ACACB: variants seen among roughly 807,000 people sequenced by gnomAD.
ACACB encodes acetyl-CoA carboxylase beta, also known as acetyl-CoA carboxylase 2.
A neutral mutation model predicts 278.8 loss-of-function variants in ACACB; 209 were observed. The observed-to-expected ratio is 0.75, with a 90% CI of 0.67 to 0.84. ACACB has a LOEUF of 0.84. Among genes scored for constraint, ACACB ranks in the 40% least tolerant of loss-of-function variants. ACACB has a pLI of 0.00. For missense variants in ACACB, 2,850 were observed against 3,269.0 expected (o/e 0.87, Z 3.13); for synonymous variants, 1,174 against 1,285.6 (o/e 0.91, Z 1.86).
At position 109,253,078 on chromosome 12, in the gene ACACB, A is replaced by G. The variant is rs2047138153; in HGVS notation, c.5965A>G (p.Asn1989Asp). The G allele has an allele frequency of 6.2e-7, 1 of 1,613,340 alleles. No individual in the cohort carries two copies. Among genetic ancestry groups the G allele is most frequent in the Admixed American group, 1.7e-5 (1 of 59,932 alleles). The change falls in exon 43 of 53, where the codon AAT (asparagine) becomes GAT (aspartate). Residue 1989 changes from asparagine to aspartate, a missense_variant. Physicochemically the swap from Asn to Asp is conservative, Grantham distance 23. Transcript: ENST00000338432. ...QLGGVQIMHY[N>D]GVSHITVPDD... ...GGGTGGCGTTCAGATCATGCATTAC[A>G]ATGGTGTCTCCCACATCACCGTGCC...
At chr12:109,201,846 A>G in intron 19 of ACACB, 145 bp downstream of exon 19, 1 of 1,152,846 alleles carries the variant, frequency 8.7e-7, no homozygotes, top group Non-Finnish European at 1.2e-6. Flanking sequence ...AGCCACCGTG[A>G]TGGTGCAGAA....
At chr12:109,111,619 G>C (rs1393651495), upstream of ACACB, 2 of 150,340 alleles carry the variant, frequency 1.3e-5, no homozygotes, top group Admixed American at 1.3e-4. Context: ...ACAGTGGCGC[G>C]ATCTCGGCTC....
In ACACB at chr12:109,222,523, C is replaced by T. The variant is rs776001518; in HGVS notation, c.3581C>T (p.Pro1194Leu). ...VIMLIDELCG[P>L]DPSLSDELIS... The stretch of plus-strand genomic sequence containing the variant: ...TCCCCTAAGGATGAGCTGTGTGGCC[C>T]AGACCCTTCCCTGTCGGACGAGCTG... Residue 1194 changes from proline (P) to leucine (L), a missense_variant, in exon 25 of 53, where the codon CCA (proline) becomes CTA (leucine). Physicochemically the swap from Pro to Leu is moderately conservative, Grantham distance 98. This residue lies in a region of ACACB where 2,265 missense variants were observed against 2,561.3 expected (regional missense o/e 0.88). Coordinates refer to ENST00000338432, the MANE Select transcript of ACACB (RefSeq NM_001093.4). The T allele has an allele frequency of 6.2e-7, 1 of 1,614,190 alleles. No individual in the cohort carries two copies. Among genetic ancestry groups the T allele is most frequent in the South Asian group, 1.1e-5 (1 of 91,084 alleles).
intron 11 of ACACB, among the ~76,000 whole-genome samples, 159 bp downstream of exon 11, chr12:109,180,246 C>T (rs1050042733): frequency 7.2e-5 from 11 of 152,152 alleles, no homozygotes; most frequent in African/African-American, 2.7e-4. Context: ...TATAGTTCTC[C>T]CTGGGAAAAT....
chr12:109,230,803 G>A (rs2046446687), intron 28 of ACACB, among the ~76,000 whole-genome samples: 1 of 152,242 alleles, frequency 6.6e-6, no homozygotes, highest in African/African-American at 2.4e-5. Flanking sequence ...GAGGGCTGTG[G>A]GTCATGCCTT....
At position 109,191,860 on chromosome 12, in the gene ACACB, A is replaced by G. The variant is rs1021514420; in HGVS notation, c.2309A>G (p.Asp770Gly). ...IAEKVQAEKP[D>G]IMLGVVCGAL... ...ATTTTCTCCTAGGCGGAGAAACCGG[A>G]TATCATGCTTGGGGTGGTATGCGGG... The change falls in exon 15 of 53, where the codon GAT becomes GGT. Residue 770 changes from aspartate (D) to glycine (G), a missense_variant. Physicochemically the swap from Asp to Gly is moderately conservative, Grantham distance 94. This residue lies in a region of ACACB where 2,265 missense variants were observed against 2,561.3 expected (regional missense o/e 0.88). Coordinates refer to ENST00000338432, the MANE Select transcript of ACACB (RefSeq NM_001093.4). 3.1e-6 allele frequency: 5 copies of G among 1,613,996 alleles called. No homozygotes were observed. The African/African-American group carries it at 4.0e-5, about 13-fold the overall frequency.
At chr12:109,133,859 ATATATTTTTTTTT>A (rs1267808527) in intron 1 of ACACB, among the ~76,000 whole-genome samples, 34 of 48,248 alleles carry the variant, frequency 7.0e-4, no homozygotes, top group African/African-American at 3.2e-3. Flanking sequence ...ATATATATAT[ATATATTTTTTTTT>A]TTTTTTTTTT....
intron 28 of ACACB, among the ~76,000 whole-genome samples, chr12:109,228,383 G>A (rs971012849): frequency 1.3e-5 from 2 of 151,292 alleles, no homozygotes; most frequent in African/African-American, 4.9e-5. Context: ...GCCAGCCATG[G>A]TGGCCCACAC....
At chr12:109,147,287 G>C (rs1388244818) in intron 2 of ACACB, among the ~76,000 whole-genome samples, 1 of 151,476 alleles carries the variant, frequency 6.6e-6, no homozygotes, top group East Asian at 1.9e-4. Flanking sequence ...CTGGAGTGCT[G>C]TGGTGTGATC....
intron 48 of ACACB, 137 bp downstream of exon 48, chr12:109,260,794 G>T: frequency 1.1e-6 from 1 of 932,812 alleles, no homozygotes; most frequent in Non-Finnish European, 1.5e-6. Flanking sequence ...CTTCTTTCAT[G>T]GTTTCCACTT....
Position 109,191,702 on chromosome 12 carries a change from G to A in ACACB, c.2234G>A (p.Ser745Asn), listed in dbSNP as rs1331067133. The A allele has an allele frequency of 6.2e-7, 1 of 1,614,208 alleles. No individual in the cohort carries two copies. Among genetic ancestry groups the A allele is most frequent in the Admixed American group, 1.7e-5 (1 of 60,028 alleles). Residue 745 changes from serine (S) to asparagine (N), a missense_variant, in exon 14 of 53, where the codon AGC (serine) becomes AAC (asparagine). Physicochemically the swap from Ser to Asn is conservative, Grantham distance 46. Transcript: ENST00000338432. ...EYLINLLETE[S>N]FQNNDIDTGW... Reference sequence around the variant, plus strand: ...CTCATTAACCTCCTGGAGACCGAGAGCTTCCAGAACAACGACATCGACACC... The same window carrying A: ...CTCATTAACCTCCTGGAGACCGAGAACTTCCAGAACAACGACATCGACACC...
At position 109,160,411 on chromosome 12, in the gene ACACB, G is replaced by T. The variant is rs555366606; in HGVS notation, c.654-6450G>T. On this transcript the variant is annotated intron_variant, in intron 2 of 52. Transcript: ENST00000338432. ...ATACAGGGCTGTGGAGATTCACTGA[G>T]AGGCCCCCTGTGCCCAGTCCATAGT... is the stretch of plus-strand genomic sequence containing the variant. Among the ~76,000 whole-genome samples, 193 of 152,280 alleles carry T rather than the reference G, an allele frequency of 1.3e-3. 1 individual carries two copies. The highest frequency in any genetic ancestry group is 4.3e-3 in the African/African-American group (178 of 41,566).
rs780991373 is a variant in ACACB at position 109,242,502 on chromosome 12, C to T, written c.5088C>T (p.Tyr1696=). 5 of 1,614,018 alleles carry T rather than the reference C, an allele frequency of 3.1e-6. No homozygotes were observed. The African/African-American group carries it at 4.0e-5, about 13-fold the overall frequency. The stretch of plus-strand genomic sequence containing the variant: ...ACGGGATGCTGATCAATACTCCCTA[C>T]GTCACCAAGGATCTGCTCCAGGCCA... ...PQHGMLINTP[Y]VTKDLLQAKR... The change falls in exon 37 of 53, where the codon TAC becomes TAT. Residue 1696 remains tyrosine (Y), a synonymous_variant. Transcript: ENST00000338432.
chr12:109,203,886 T>C (rs2045412750), intron 19 of ACACB, among the ~76,000 whole-genome samples: 1 of 152,158 alleles, frequency 6.6e-6, no homozygotes, highest in Non-Finnish European at 1.5e-5. Flanking sequence ...ATAACAAGTC[T>C]TGATGAATGA....
Position 109,140,054 on chromosome 12 carries a change from A to G in ACACB, c.649A>G (p.Met217Val), listed in dbSNP as rs770169502. Residue 217 changes from methionine to valine, a missense_variant, in exon 2 of 53, where the codon ATG (methionine) becomes GTG (valine). Met to Val is a conservative substitution (Grantham distance 21). Around this residue, in one of 3 missense-constraint regions of ACACB, gnomAD observed 2,265 missense variants for 2,561.3 expected, o/e 0.88. Transcript: ENST00000338432. ...TGEAETRVPTMRPSMSGLHLV... is the reference protein window; with the variant it reads ...TGEAETRVPTVRPSMSGLHLV... ...TGAAGCTGAGACCCGCGTCCCCACT[A>G]TGAGGTAATGTGCATTTTCTCCTTG... 15 of 1,585,028 alleles carry G rather than the reference A, an allele frequency of 9.5e-6. No individual in the cohort carries two copies. Among genetic ancestry groups the G allele is most frequent in the Non-Finnish European group, 1.3e-5 (15 of 1,171,154 alleles).
At position 109,237,348 on chromosome 12, in the gene ACACB, G is replaced by T. The variant is rs374544605; in HGVS notation, c.4630G>T (p.Ala1544Ser). The change falls in exon 34 of 53, where the codon GCC becomes TCC. Residue 1544 changes from alanine to serine, a missense_variant. Physicochemically the swap from Ala to Ser is moderately conservative, Grantham distance 99. Transcript: ENST00000338432. ...EVTDHRFFIRAIIRHSDLITK... is the reference protein window; with the variant it reads ...EVTDHRFFIRSIIRHSDLITK... ...GACGGACCATAGGTTCTTCATCCGC[G>T]CCATCATCAGGCACTCTGACCTGAT... The T allele has an allele frequency of 6.2e-7, 1 of 1,613,996 alleles. No individual in the cohort carries two copies. Among genetic ancestry groups the T allele is most frequent in the Non-Finnish European group, 8.5e-7 (1 of 1,180,022 alleles).
chr12:109,145,406 A>G (rs1285914571), intron 2 of ACACB, among the ~76,000 whole-genome samples: 5 of 152,192 alleles, frequency 3.3e-5, no homozygotes, highest in Non-Finnish European at 5.9e-5. Flanking sequence ...CATTGCTTGC[A>G]TAGTGTACAT....
At chr12:109,167,186 A>G (rs1291045480) in intron 3 of ACACB, 193 bp downstream of exon 3, 1 of 655,230 alleles carries the variant, frequency 1.5e-6, no homozygotes, top group Admixed American at 3.0e-5. Context: ...TCAAAGGGCT[A>G]TTGTGAGGAT....
intron 1 of ACACB, among the ~76,000 whole-genome samples, chr12:109,129,788 C>T (rs534185443): frequency 8.4e-4 from 128 of 152,342 alleles, no homozygotes; most frequent in African/African-American, 2.8e-3. Context: ...CTGGGCTGGC[C>T]GATCCTTAGA....
Sources: gnomAD v4.1 joint callset for allele counts (sites outside exome capture counted in the v4.1 genomes callset) on GRCh38, gnomAD v4.1.1 for gene constraint, gnomAD v4.1.1 regional missense constraint, MANE v1.5 for transcripts, NCBI Gene and HGNC (gene_info 2026-07-23, HGNC 2026-07-21) for gene names.